The following GOLM2 variants were observed in gnomAD, a reference collection of about 807,000 sequenced individuals.
GOLM2 encodes golgi membrane protein 2.
GOLM2 carries 26 observed loss-of-function variants against 55.9 expected under a neutral mutation model. The observed-to-expected ratio is 0.47, with a 90% CI of 0.34 to 0.65. GOLM2 has a LOEUF of 0.65. GOLM2 is among the 30% of genes least tolerant of loss of function. The pLI is 0.01. For missense variants in GOLM2, 486 were observed against 531.8 expected (o/e 0.91, Z 0.85); for synonymous variants, 165 against 194.6 (o/e 0.85, Z 1.27).
intron 1 of GOLM2, chr15:44,307,416 G>T (rs2078846195): frequency 6.6e-6 from 1 of 152,130 alleles, no homozygotes; most frequent in African/African-American, 2.4e-5. Flanking sequence ...GTTTCACAGT[G>T]TTAGCCAGGA....
chr15:44,336,396 C>T (rs2079057319), intron 4 of GOLM2, among the ~76,000 whole-genome samples: 1 of 151,920 alleles, frequency 6.6e-6, no homozygotes, highest in East Asian at 1.9e-4. Flanking sequence ...GGATTACAGG[C>T]ATGAGCCGCC....
chr15:44,384,731 A>G (rs573980727), intron 8 of GOLM2, among the ~76,000 whole-genome samples: 8 of 151,068 alleles, frequency 5.3e-5, no homozygotes, highest in African/African-American at 2.0e-4. Flanking sequence ...TGGGCGACAG[A>G]GCGAGACTCC....
chr15:44,365,861 G>GT (rs1403735759), intron 6 of GOLM2, among the ~76,000 whole-genome samples: 1 of 152,154 alleles, frequency 6.6e-6, no homozygotes, highest in Non-Finnish European at 1.5e-5. Context: ...GTGTGCCAGT[G>GT]TAAGTTCATC....
At chr15:44,296,360 C>T (rs2078756594) in intron 1 of GOLM2, among the ~76,000 whole-genome samples, 1 of 152,220 alleles carries the variant, frequency 6.6e-6, no homozygotes, top group South Asian at 2.1e-4. Context: ...CACACATACA[C>T]ACACATACAC....
intron 1 of GOLM2, among the ~76,000 whole-genome samples, chr15:44,290,012 A>G (rs990054185): frequency 3.3e-5 from 5 of 152,234 alleles, no homozygotes; most frequent in Non-Finnish European, 5.9e-5. Context: ...ATCAGCCAAA[A>G]GATTAGAATC....
At chr15:44,344,625 C>G (rs1280346778) in intron 6 of GOLM2, among the ~76,000 whole-genome samples, 1 of 151,928 alleles carries the variant, frequency 6.6e-6, no homozygotes, top group Non-Finnish European at 1.5e-5. Context: ...GGATCTTATT[C>G]TGTCATCCAG....
intron 9 of GOLM2, among the ~76,000 whole-genome samples, chr15:44,404,245 T>G (rs545571250): frequency 1.3e-5 from 2 of 152,284 alleles, no homozygotes; most frequent in East Asian, 3.8e-4. Context: ...AATTAAATTT[T>G]TATTTAGGCT....
intron 8 of GOLM2, among the ~76,000 whole-genome samples, chr15:44,388,908 C>T (rs916887218): frequency 3.7e-4 from 57 of 152,124 alleles, no homozygotes; most frequent in African/African-American, 1.3e-3. Flanking sequence ...CTCCGCCTCC[C>T]GGGTTCACGC....
At chr15:44,372,657 G>C (rs2079336118) in intron 6 of GOLM2, among the ~76,000 whole-genome samples, 1 of 152,120 alleles carries the variant, frequency 6.6e-6, no homozygotes. Flanking sequence ...TTAGAGGTAA[G>C]GGTGACATGA....
In GOLM2 at chr15:44,289,239, C is replaced by T. The variant is rs776645379; in HGVS notation, c.210C>T (p.Leu70=). 2 of 1,614,212 alleles carry T rather than the reference C, an allele frequency of 1.2e-6. No homozygotes were observed. The highest frequency in any genetic ancestry group is 1.7e-5 in the Admixed American group (1 of 60,026). The stretch of plus-strand genomic sequence containing the variant: ...GGCTGGAAAAGCGCAATTCGGACCT[C>T]TTGCTGTTGGTGGACACGCACAAGA... The part of the protein sequence containing the change: ...RGRLEKRNSD[L]LLLVDTHKKQ... Residue 70 remains leucine (L), a synonymous_variant, in exon 1 of 10, where the codon CTC becomes CTT. Transcript: ENST00000299957. The surrounding 1 kb of genome is among the most constrained non-coding windows in gnomAD (Gnocchi z 4.8).
chr15:44,345,415 C>T (rs757156816), intron 6 of GOLM2, among the ~76,000 whole-genome samples: 8 of 152,068 alleles, frequency 5.3e-5, no homozygotes, highest in African/African-American at 1.4e-4. Flanking sequence ...CCCGCCACCA[C>T]GCCCAGCTAA....
chr15:44,318,968 C>T (rs983176038), intron 1 of GOLM2, among the ~76,000 whole-genome samples: 1 of 152,042 alleles, frequency 6.6e-6, no homozygotes, highest in African/African-American at 2.4e-5. Context: ...GCCTTTCTTC[C>T]TTATCTTCTC....
At chr15:44,373,678 C>G (rs1436267850) in intron 6 of GOLM2, among the ~76,000 whole-genome samples, 1 of 151,996 alleles carries the variant, frequency 6.6e-6, no homozygotes, top group East Asian at 1.9e-4. Flanking sequence ...TGCTTGAACC[C>G]AGGAGGTGGA....
In GOLM2 at chr15:44,288,930, G is replaced by A. The variant is rs1567016719; in HGVS notation, c.-100G>A. On this transcript the variant is annotated 5_prime_UTR_variant, in exon 1 of 10. Coordinates refer to ENST00000299957, the MANE Select transcript of GOLM2 (RefSeq NM_138423.4). ...GTAAGCCCGCCTCCTCCCTCGGCCG[G>A]CCCTGGGGCCGTGTCCGCCGGGCAA... 3 of 1,163,370 alleles carry A rather than the reference G, an allele frequency of 2.6e-6. No homozygotes were observed. The highest frequency in any genetic ancestry group is 1.5e-5 in the South Asian group (1 of 66,494). 72.1% of individuals were successfully genotyped at this position (1,163,370 alleles called of 1,614,324 possible).
intron 8 of GOLM2, among the ~76,000 whole-genome samples, chr15:44,391,510 C>A (rs2141203555): frequency 6.7e-6 from 1 of 149,384 alleles, no homozygotes; most frequent in South Asian, 2.1e-4. Flanking sequence ...AAGTGAGACT[C>A]CATCTCAAAA....
rs374782114 is a variant in GOLM2, at chr15:44,322,297, G to A, written c.328-668G>A. ...CAGCAGAATATCTTGAACCTGGGAG[G>A]TGGAGGTTGCAGTGAGCTGAGATCG... is the stretch of plus-strand genomic sequence containing the variant. On this transcript the variant is annotated intron_variant, in intron 1 of 9. Coordinates refer to ENST00000299957, the MANE Select transcript of GOLM2 (RefSeq NM_138423.4). Among the ~76,000 whole-genome samples, 12 of 152,294 alleles carry A rather than the reference G, an allele frequency of 7.9e-5. No individual in the cohort carries two copies. In the East Asian group the frequency reaches 1.9e-3, roughly 24 times the overall value.
chr15:44,376,410 G>A (rs2141190141), intron 6 of GOLM2, among the ~76,000 whole-genome samples: 1 of 152,146 alleles, frequency 6.6e-6, no homozygotes, highest in Middle Eastern at 3.4e-3. Flanking sequence ...GATTACAGAT[G>A]TGTGCCACCC....
intron 3 of GOLM2, 101 bp from the exon 4 acceptor site, chr15:44,331,887 A>G: frequency 1.3e-6 from 1 of 786,192 alleles, no homozygotes. Flanking sequence ...CTCCCCTGCT[A>G]ACTGAGTGTT....
At chr15:44,305,224 T>C (rs1274055311) in intron 1 of GOLM2, among the ~76,000 whole-genome samples, 1 of 152,108 alleles carries the variant, frequency 6.6e-6, no homozygotes, top group African/African-American at 2.4e-5. Flanking sequence ...GGTCTCAAAA[T>C]CCTAGGCCCA....
Sources: gnomAD v4.1 joint callset for allele counts (sites outside exome capture counted in the v4.1 genomes callset) on GRCh38, gnomAD v4.1.1 for gene constraint, Gnocchi (gnomAD v3.1) non-coding constraint, MANE v1.5 for transcripts, NCBI Gene and HGNC (gene_info 2026-07-23, HGNC 2026-07-21) for gene names.